Variants in ROBO2 observed in about 807,000 individuals in gnomAD.
ROBO2 encodes the protein roundabout homolog 2.
In ROBO2, 53 loss-of-function variants were observed where a neutral mutation model predicts 160.8. The observed-to-expected ratio is 0.33, with a 90% CI of 0.26 to 0.41. ROBO2 has a LOEUF of 0.41. Among genes scored for constraint, ROBO2 ranks in the 10% least tolerant of loss-of-function variants. The probability of loss-of-function intolerance (pLI) is 1.00; values close to 1 mark genes in which losing one functional copy is unlikely to be tolerated. For synonymous variants in ROBO2, 664 were observed against 611.7 expected, an observed-to-expected ratio of 1.09 and a Z score of -1.26; for missense variants, 1,577 against 1,722.4, an observed-to-expected ratio of 0.92 and a Z score of 1.49.
intron 1 of ROBO2, among the ~76,000 whole-genome samples, chr3:75,914,038 G>T (rs1946709775): frequency 6.6e-6 from 1 of 152,136 alleles, no homozygotes; most frequent in Non-Finnish European, 1.5e-5. Context: ...ATTGTTGCCA[G>T]AGAGAACTTG....
intron 2 of ROBO2, among the ~76,000 whole-genome samples, chr3:76,948,874 TTATATATATATATATATATA>T (rs71104642): frequency 4.1e-5 from 2 of 48,616 alleles, no homozygotes; most frequent in African/African-American, 2.1e-4. Context: ...CCGGCTAATT[TTATATATATATATATATATA>T]TATATATATA....
At chr3:76,142,281 T>G (rs2071701005) in intron 2 of ROBO2, among the ~76,000 whole-genome samples, 1 of 151,920 alleles carries the variant, frequency 6.6e-6, no homozygotes, top group Admixed American at 6.6e-5. Flanking sequence ...AACTGAAAAC[T>G]GAGCTATCAT....
intron 8 of ROBO2, among the ~76,000 whole-genome samples, chr3:77,557,478 A>G (rs909024519): frequency 2.6e-5 from 4 of 151,988 alleles, no homozygotes; most frequent in African/African-American, 9.7e-5. Flanking sequence ...GGGGGAAATT[A>G]TGTACTATAT....
chr3:77,556,197 T>C (rs1277893400), intron 8 of ROBO2, among the ~76,000 whole-genome samples: 6 of 151,896 alleles, frequency 4.0e-5, no homozygotes, highest in African/African-American at 1.2e-4. Flanking sequence ...TTTTGACCCA[T>C]AAAAATAAGT....
chr3:76,429,393 T>A (rs2076348516), intron 2 of ROBO2, among the ~76,000 whole-genome samples: 1 of 152,214 alleles, frequency 6.6e-6, no homozygotes, highest in Non-Finnish European at 1.5e-5. Context: ...GAGACAGTAT[T>A]TTAAAGCACT....
chr3:77,574,588 A>G, exon 14 of ROBO2: 1 of 1,613,490 alleles, frequency 6.2e-7, no homozygotes. Context: ...GGCAGAATTT[A>G]GATGCCAAAG....
At chr3:76,148,760 C>T (rs752272867) in intron 2 of ROBO2, among the ~76,000 whole-genome samples, 4 of 152,062 alleles carry the variant, frequency 2.6e-5, no homozygotes, top group Non-Finnish European at 5.9e-5. Flanking sequence ...CATTTTCTTT[C>T]CTGTCCTCCT....
chr3:77,066,188 C>G (rs1460458357), intron 1 of ROBO2, among the ~76,000 whole-genome samples: 1 of 151,896 alleles, frequency 6.6e-6, no homozygotes, highest in African/African-American at 2.4e-5. Flanking sequence ...GCAAGATAAA[C>G]AGATGGAATA....
intron 2 of ROBO2, among the ~76,000 whole-genome samples, chr3:76,562,186 T>C (rs1226939191): frequency 6.6e-6 from 1 of 151,678 alleles, no homozygotes; most frequent in African/African-American, 2.4e-5. Context: ...TTGGATGGGA[T>C]ATTTAACTTC....
intron 5 of ROBO2, among the ~76,000 whole-genome samples, chr3:77,511,417 C>T (rs1455453326): frequency 6.6e-6 from 1 of 152,108 alleles, no homozygotes; most frequent in South Asian, 2.1e-4. Context: ...GTGGTCAGTA[C>T]CCAAATTCCT....
chr3:76,599,519 T>C (rs1224517656), intron 2 of ROBO2, among the ~76,000 whole-genome samples: 1 of 152,204 alleles, frequency 6.6e-6, no homozygotes, highest in East Asian at 1.9e-4. Flanking sequence ...TAAGCGTATA[T>C]GTGTCTTTAT....
intron 2 of ROBO2, among the ~76,000 whole-genome samples, chr3:76,171,273 T>C (rs992512942): frequency 1.3e-5 from 2 of 149,148 alleles, no homozygotes; most frequent in African/African-American, 4.9e-5. Context: ...TGATTATAAC[T>C]AAAAACTCTG....
At chr3:76,539,935 G>A (rs263523) in intron 2 of ROBO2, among the ~76,000 whole-genome samples, 5,820 of 152,194 alleles carry the variant, frequency 0.038, 385 homozygotes, top group African/African-American at 0.13. Flanking sequence ...ATATACCTGA[G>A]GAAATCTGTA....
chr3:76,343,567 TGAA>T (rs2074356860), intron 2 of ROBO2, among the ~76,000 whole-genome samples: 1 of 151,702 alleles, frequency 6.6e-6, no homozygotes, highest in Non-Finnish European at 1.5e-5. Flanking sequence ...TTTTTGCCAT[TGAA>T]ACTAATGGTA....
chr3:76,268,094 C>T (rs758070787), intron 2 of ROBO2, among the ~76,000 whole-genome samples: 9 of 152,146 alleles, frequency 5.9e-5, no homozygotes, highest in Non-Finnish European at 1.2e-4. Flanking sequence ...GAGACCTGAT[C>T]TCTAAATGTA....
At chr3:76,896,312 C>G (rs954358608) in intron 2 of ROBO2, among the ~76,000 whole-genome samples, 17 of 152,212 alleles carry the variant, frequency 1.1e-4, no homozygotes, top group East Asian at 9.6e-4. Flanking sequence ...AACACATTAT[C>G]TTTTCATTTA....
At chr3:77,562,781 C>A in intron 10 of ROBO2, 49 bp downstream of exon 11, 2 of 1,266,098 alleles carry the variant, frequency 1.6e-6, no homozygotes, top group African/African-American at 1.5e-5. Context: ...TTTCTGATAG[C>A]TCAATATCAA....
chr3:76,961,682 A>G (rs1277921248), intron 2 of ROBO2, among the ~76,000 whole-genome samples: 4 of 152,268 alleles, frequency 2.6e-5, no homozygotes, highest in Middle Eastern at 3.4e-3. Context: ...TTTCTCATGT[A>G]AAAAACAGAA....
At chr3:77,040,186 C>T (rs2063953444) in exon 1 of ROBO2, 2 of 986,010 alleles carry the variant, frequency 2.0e-6, no homozygotes, top group Non-Finnish European at 2.4e-6. Flanking sequence ...AGGGCAACAC[C>T]GCTGCAAAGG....
Sources: allele counts gnomAD v4.1 joint callset (sites outside exome capture counted in the v4.1 genomes callset), GRCh38; gene constraint gnomAD v4.1.1; transcripts MANE v1.5; gene names NCBI Gene and HGNC (gene_info 2026-07-23, HGNC 2026-07-21).